IPO8: variants seen among roughly 807,000 people sequenced by gnomAD.
IPO8 encodes the protein importin 8.
In IPO8, 65 loss-of-function variants were observed where a neutral mutation model predicts 141.2. That is an observed-to-expected ratio of 0.46 (90% CI 0.38 to 0.57). IPO8 has a LOEUF of 0.57. Ranked by LOEUF, IPO8 falls within the 20% of genes least tolerant of loss-of-function variation. The probability of loss-of-function intolerance (pLI) is 0.00; values close to 1 mark genes in which losing one functional copy is unlikely to be tolerated. For missense variants in IPO8, 980 were observed against 1,246.8 expected (o/e 0.79, Z 3.22); for synonymous variants, 411 against 420.3 (o/e 0.98, Z 0.27).
intron 17 of IPO8, 93 bp downstream of exon 17, chr12:30,656,591 C>A: frequency 3.2e-6 from 2 of 629,230 alleles, no homozygotes; most frequent in South Asian, 2.2e-5. Context: ...CAAAATTGTC[C>A]ATCTTGTTAA....
chr12:30,670,493 T>C (rs1033663371), intron 9 of IPO8, among the ~76,000 whole-genome samples: 1 of 152,228 alleles, frequency 6.6e-6, no homozygotes, highest in Non-Finnish European at 1.5e-5. Flanking sequence ...ACAATGATGC[T>C]ATTGAACTTA....
chr12:30,647,473 G>C (rs947118730), intron 20 of IPO8, among the ~76,000 whole-genome samples: 3 of 151,820 alleles, frequency 2.0e-5, no homozygotes, highest in Non-Finnish European at 2.9e-5. Context: ...AAATTAGCCA[G>C]GTGTAGTAGC....
chr12:30,641,059 T>C (rs969816115), intron 20 of IPO8, among the ~76,000 whole-genome samples: 1 of 152,270 alleles, frequency 6.6e-6, no homozygotes, highest in Non-Finnish European at 1.5e-5. Flanking sequence ...CATAAAGGAA[T>C]TGTGAAGTTT....
chr12:30,655,354 A>C (rs898871239), intron 17 of IPO8, among the ~76,000 whole-genome samples: 2 of 152,244 alleles, frequency 1.3e-5, no homozygotes, highest in Non-Finnish European at 2.9e-5. Context: ...TTTAATTGAC[A>C]AATAAAAATT....
At chr12:30,661,347 G>C (rs1490708067) in intron 15 of IPO8, 81 bp from the exon 16 acceptor site, 1 of 1,322,548 alleles carries the variant, frequency 7.6e-7, no homozygotes, top group Non-Finnish European at 1.0e-6. Context: ...AAATGGCAGT[G>C]TCACACATCT....
At chr12:30,687,714 T>C (rs2053255636) in intron 2 of IPO8, among the ~76,000 whole-genome samples, 1 of 152,194 alleles carries the variant, frequency 6.6e-6, no homozygotes, top group African/African-American at 2.4e-5. Context: ...TAATAAAAGC[T>C]TCTTAAAGTG....
chr12:30,683,262 G>C (rs1479809414), intron 3 of IPO8, among the ~76,000 whole-genome samples: 1 of 152,114 alleles, frequency 6.6e-6, no homozygotes, highest in East Asian at 1.9e-4. Context: ...GAATAATAGT[G>C]ATTTTTTCTT....
rs1376143344 is a variant in IPO8, at chr12:30,629,380, A to AGGG, written c.*1477_*1479dup. 5.3e-5 allele frequency: 8 copies of AGGG among 152,186 alleles called. No homozygotes were observed. The highest frequency in any genetic ancestry group is 1.2e-4 in the Non-Finnish European group (8 of 68,040). The allele number at this position is 152,186 out of a possible 1,614,324, so 9.4% of individuals were successfully genotyped here. A position where few individuals can be genotyped will look rare whatever the true frequency, so the allele number is the denominator to read the frequency against. The stretch of plus-strand genomic sequence containing the variant: ...TGGGAAGGGAGGAGCAGAGGAAAGC[A>AGGG]GGGGGTCACTGAACTCCAAAACTCA... On this transcript the variant is annotated 3_prime_UTR_variant, in exon 25 of 25. Coordinates refer to ENST00000256079, the MANE Select transcript of IPO8 (RefSeq NM_006390.4).
At chr12:30,653,181 G>A (rs755860836) in intron 17 of IPO8, 89 bp from the exon 18 acceptor site, 18 of 1,141,020 alleles carry the variant, frequency 1.6e-5, no homozygotes, top group East Asian at 4.7e-5. Flanking sequence ...GACTACCTAC[G>A]CACACAGAGT....
At chr12:30,661,502 G>A (rs1426688936) in intron 15 of IPO8, among the ~76,000 whole-genome samples, 1 of 151,800 alleles carries the variant, frequency 6.6e-6, no homozygotes, top group African/African-American at 2.4e-5. Context: ...ACTTCTGGTT[G>A]TCACTAAGCA....
At chr12:30,691,731 C>T (rs2053293104) in intron 1 of IPO8, among the ~76,000 whole-genome samples, 1 of 152,096 alleles carries the variant, frequency 6.6e-6, no homozygotes, top group African/African-American at 2.4e-5. Context: ...TAGGTTTGGG[C>T]ATATTATTCA....
chr12:30,671,127 T>G (rs1477511300), intron 8 of IPO8, 31 bp from the exon 9 acceptor site: 1 of 1,462,486 alleles, frequency 6.8e-7, no homozygotes, highest in Non-Finnish European at 9.5e-7. Context: ...CAGACTAACA[T>G]AAACAATTAT....
chr12:30,653,249 A>G (rs938636943), intron 17 of IPO8, among the ~76,000 whole-genome samples, 157 bp from the exon 18 acceptor site: 3 of 152,060 alleles, frequency 2.0e-5, no homozygotes, highest in Admixed American at 1.3e-4. Context: ...ATCTTCGGCT[A>G]TGTATCTGCC....
chr12:30,684,528 G>A (rs1283462266), intron 2 of IPO8, 71 bp from the exon 3 acceptor site: 23 of 1,473,942 alleles, frequency 1.6e-5, no homozygotes, highest in African/African-American at 2.8e-5. Context: ...TACAGAGCAT[G>A]AAAGTCCAAA....
At chr12:30,634,894 T>A (rs2052480529) in intron 22 of IPO8, among the ~76,000 whole-genome samples, 2 of 152,128 alleles carry the variant, frequency 1.3e-5, no homozygotes, top group Admixed American at 1.3e-4. Context: ...GCAGCATTAT[T>A]CACAATAGCC....
At chr12:30,682,143 T>C (rs1279982514) in intron 3 of IPO8, among the ~76,000 whole-genome samples, 1 of 152,178 alleles carries the variant, frequency 6.6e-6, no homozygotes, top group Non-Finnish European at 1.5e-5. Context: ...AATTTCCAGC[T>C]TATTATATCT....
intron 22 of IPO8, among the ~76,000 whole-genome samples, chr12:30,635,516 T>C (rs904826028): frequency 8.5e-5 from 13 of 152,116 alleles, no homozygotes; most frequent in African/African-American, 3.1e-4. Context: ...AAACTTGAAC[T>C]ACATTATGTA....
chr12:30,652,404 CA>C, intron 18 of IPO8, 115 bp from the exon 19 acceptor site: 1 of 668,454 alleles, frequency 1.5e-6, no homozygotes, highest in Non-Finnish European at 2.6e-6. Context: ...CATGCAACCA[CA>C]AAAGGCTAGA....
Position 30,662,423 on chromosome 12 carries a change from C to T in IPO8, c.1659G>A (p.Glu553=), listed in dbSNP as rs754450406. 1.2e-6 allele frequency: 2 copies of T among 1,613,184 alleles called. No individual in the cohort carries two copies. The highest frequency in any genetic ancestry group is 1.7e-6 in the Non-Finnish European group (2 of 1,179,356). Residue 553 remains glutamate (E), a synonymous_variant, in exon 15 of 25, where the codon GAG becomes GAA. Coordinates refer to ENST00000256079, the MANE Select transcript of IPO8 (RefSeq NM_006390.4). ...IMQELLHIVR[E]TENDDVTNVI... ...CATTAGTAACATCATCATTTTCTGTCTCTCTAACAATGTGCAACAGTTCCT... is the reference window on the plus strand; with the variant it reads ...CATTAGTAACATCATCATTTTCTGTTTCTCTAACAATGTGCAACAGTTCCT...
Sources: allele counts gnomAD v4.1 joint callset (sites outside exome capture counted in the v4.1 genomes callset), GRCh38; gene constraint gnomAD v4.1.1; transcripts MANE v1.5; gene names NCBI Gene and HGNC (gene_info 2026-07-23, HGNC 2026-07-21).